USP37: variants seen among roughly 807,000 people sequenced by gnomAD.
USP37 encodes ubiquitin carboxyl-terminal hydrolase 37.
USP37 carries 27 observed loss-of-function variants against 124.0 expected under a neutral mutation model. The ratio of observed to expected loss-of-function variants is 0.22; its 90% CI spans 0.16 to 0.30. The LOEUF (loss-of-function observed/expected upper bound fraction) is 0.30. Ranked by LOEUF, USP37 falls within the 10% of genes least tolerant of loss-of-function variation. USP37 has a pLI of 1.00. For synonymous variants in USP37, 365 were observed against 388.0 expected (o/e 0.94, Z 0.70); for missense variants, 889 against 1,140.4 (o/e 0.78, Z 3.17).
In USP37 at chr2:218,512,854, TC is replaced by T. The variant is rs567575041; in HGVS notation, c.864-2715del. On this transcript the variant is annotated intron_variant, in intron 10 of 25. Coordinates refer to ENST00000258399, the MANE Select transcript of USP37 (RefSeq NM_020935.3). ...TTACATAGCACATACATTTTCTTCT[TC>T]CATTAAATCCTGTGTATACTTTAAC... 1.4e-3 allele frequency among the ~76,000 whole-genome samples: 213 copies of T among 152,314 alleles called. 1 individual carries two copies. Among genetic ancestry groups the T allele is most frequent in the South Asian group, 6.4e-3 (31 of 4,826 alleles).
intron 5 of USP37, among the ~76,000 whole-genome samples, chr2:218,552,159 T>C: frequency 6.6e-6 from 1 of 152,168 alleles, no homozygotes; most frequent in Non-Finnish European, 1.5e-5. Flanking sequence ...GGCATGAACA[T>C]ATAATGAGTA....
In USP37 at chr2:218,453,493, A is replaced by C. The variant is rs1689550302; in HGVS notation, c.*1437T>G. 1 of 152,184 alleles carries C rather than the reference A, an allele frequency of 6.6e-6. No homozygotes were observed. The highest frequency in any genetic ancestry group is 2.1e-4 in the South Asian group (1 of 4,832). The allele number at this position is 152,184 out of a possible 1,614,324, so 9.4% of individuals were successfully genotyped here. A position where few individuals can be genotyped will look rare whatever the true frequency, so the allele number is the denominator to read the frequency against. ...ATAATAAAAGAAAAAACACGAAAGA[A>C]TATAATGATGGTTTCATTTTTCTAT... On this transcript the variant is annotated 3_prime_UTR_variant, in exon 26 of 26. Transcript: ENST00000258399.
chr2:218,539,126 C>A (rs1454649745), intron 8 of USP37, among the ~76,000 whole-genome samples: 1 of 151,888 alleles, frequency 6.6e-6, no homozygotes, highest in Non-Finnish European at 1.5e-5. Context: ...TATCACCACA[C>A]CCAGCTAATT....
chr2:218,536,489 G>A (rs187731493), intron 8 of USP37, among the ~76,000 whole-genome samples: 2 of 152,282 alleles, frequency 1.3e-5, no homozygotes, highest in Non-Finnish European at 1.5e-5. Flanking sequence ...AAGGCCGGGC[G>A]CTACAGTAGA....
chr2:218,553,421 G>T, intron 5 of USP37, 132 bp downstream of exon 5: 2 of 805,444 alleles, frequency 2.5e-6, no homozygotes, highest in Non-Finnish European at 3.5e-6. Flanking sequence ...TTGAATTTCA[G>T]GAATAAATCT....
At chr2:218,520,288 A>G (rs1354997921) in intron 10 of USP37, among the ~76,000 whole-genome samples, 1 of 151,246 alleles carries the variant, frequency 6.6e-6, no homozygotes, top group African/African-American at 2.4e-5. Context: ...TTTCAAAGTT[A>G]ACAATTCTTT....
chr2:218,543,832 A>G (rs977724041), intron 8 of USP37, among the ~76,000 whole-genome samples: 8 of 140,916 alleles, frequency 5.7e-5, no homozygotes, highest in Non-Finnish European at 1.2e-4. Flanking sequence ...AAAAACAAAC[A>G]AAAAAAAAAA....
chr2:218,537,293 C>T (rs903879012), intron 8 of USP37, among the ~76,000 whole-genome samples: 7 of 152,218 alleles, frequency 4.6e-5, no homozygotes, highest in Admixed American at 2.0e-4. Context: ...AGTTCTGACC[C>T]TAAGTCTAAA....
At chr2:218,518,042 A>T (rs551186123) in intron 10 of USP37, among the ~76,000 whole-genome samples, 1 of 151,692 alleles carries the variant, frequency 6.6e-6, no homozygotes, top group African/African-American at 2.4e-5. Context: ...TGCAGTTTTG[A>T]CCTCCTGGGC....
chr2:218,544,145 C>T (rs565462337), intron 8 of USP37, among the ~76,000 whole-genome samples: 2 of 151,672 alleles, frequency 1.3e-5, no homozygotes, highest in South Asian at 2.1e-4. Flanking sequence ...TTTGGGAGGT[C>T]GAGGCGGGCA....
rs896833752 is a variant in USP37, at chr2:218,515,278, G to A, written c.864-5138C>T. 2.0e-5 allele frequency among the ~76,000 whole-genome samples: 3 copies of A among 151,860 alleles called. 1 individual carries two copies. Among genetic ancestry groups the A allele is most frequent in the Admixed American group, 1.3e-4 (2 of 15,230 alleles). ...AAAAGAACAAAGCTGGAGGCATCAC[G>A]CTACCTGACTTCAAACTATACTACA... On this transcript the variant is annotated intron_variant, in intron 10 of 25. Transcript: ENST00000258399.
intron 20 of USP37, among the ~76,000 whole-genome samples, chr2:218,469,320 T>G (rs1244578495): frequency 6.6e-6 from 1 of 152,196 alleles, no homozygotes; most frequent in Non-Finnish European, 1.5e-5. Flanking sequence ...TGACCCTGCC[T>G]GTCCCTCCTA....
chr2:218,548,656 T>C (rs927324187), intron 6 of USP37, among the ~76,000 whole-genome samples: 1 of 152,106 alleles, frequency 6.6e-6, no homozygotes, highest in African/African-American at 2.4e-5. Flanking sequence ...TAGTAAGAAA[T>C]ATTTTACATC....
At chr2:218,545,193 C>CAAT (rs762563524) in intron 8 of USP37, among the ~76,000 whole-genome samples, 18 of 152,208 alleles carry the variant, frequency 1.2e-4, no homozygotes, top group Non-Finnish European at 2.6e-4. Context: ...GCTTTTGCCA[C>CAAT]AATAGTTGAA....
At position 218,453,269 on chromosome 2, in the gene USP37, G is replaced by A. The variant is rs899455255; in HGVS notation, c.*1661C>T. ...TTGTGTTTTTTTTGTTTTTGTTTTCGTTTTTTTTAATGAGATGGAGTCTCA... is the reference window on the plus strand; with the variant it reads ...TTGTGTTTTTTTTGTTTTTGTTTTCATTTTTTTTAATGAGATGGAGTCTCA... On this transcript the variant is annotated 3_prime_UTR_variant, in exon 26 of 26. Transcript: ENST00000258399. The A allele has an allele frequency of 1.3e-5, 2 of 151,090 alleles. No homozygotes were observed. Among genetic ancestry groups the A allele is most frequent in the African/African-American group, 4.9e-5 (2 of 41,132 alleles). The allele number at this position is 151,090 out of a possible 1,614,324, so 9.4% of individuals were successfully genotyped here.
At chr2:218,484,767 A>C (rs893564234) in intron 16 of USP37, among the ~76,000 whole-genome samples, 1 of 152,192 alleles carries the variant, frequency 6.6e-6, no homozygotes, top group African/African-American at 2.4e-5. Flanking sequence ...CAGAATATTG[A>C]AGCTAATAAA....
In USP37 at chr2:218,476,834, A is replaced by G; in HGVS notation, c.2043+6T>C. On this transcript the variant is annotated splice_donor_region_variant and intron_variant, in intron 19 of 25. Transcript: ENST00000258399. ...TTGTCAGATGTTTTAAGAAAATATTACTTACTTTTTCCAGGTCTTCCTGCT... is the reference window on the plus strand; with the variant it reads ...TTGTCAGATGTTTTAAGAAAATATTGCTTACTTTTTCCAGGTCTTCCTGCT... 6.3e-7 allele frequency: 1 copy of G among 1,591,738 alleles called. No homozygotes were observed. The highest frequency in any genetic ancestry group is 8.5e-7 in the Non-Finnish European group (1 of 1,173,702).
intron 10 of USP37, among the ~76,000 whole-genome samples, chr2:218,523,542 C>A (rs1238950890): frequency 6.6e-6 from 1 of 152,090 alleles, no homozygotes; most frequent in East Asian, 1.9e-4. Context: ...ATCTTGTATT[C>A]CAGAAACCTT....
chr2:218,515,990 C>T (rs1690255628), intron 10 of USP37, among the ~76,000 whole-genome samples: 1 of 152,144 alleles, frequency 6.6e-6, no homozygotes, highest in Non-Finnish European at 1.5e-5. Flanking sequence ...CAATGAGATA[C>T]CATCTCATGC....
Sources: gnomAD v4.1 joint callset for allele counts (sites outside exome capture counted in the v4.1 genomes callset) on GRCh38, gnomAD v4.1.1 for gene constraint, MANE v1.5 for transcripts, NCBI Gene and HGNC (gene_info 2026-07-23, HGNC 2026-07-21) for gene names.